The following DMD variants were observed in gnomAD, a reference collection of about 807,000 sequenced individuals.
The protein encoded by DMD is dystrophin, also known as mutant dystrophin.
In DMD, 63 loss-of-function variants were observed where a neutral mutation model predicts 330.1. That is an observed-to-expected ratio of 0.19 (90% CI 0.16 to 0.24). The LOEUF is 0.24. Among genes scored for constraint, DMD ranks in the 10% least tolerant of loss-of-function variants. DMD has a pLI of 1.00. For missense variants in DMD, 3,344 were observed against 2,684.1 expected (o/e 1.25, Z -5.43); for synonymous variants, 1,223 against 959.8 (o/e 1.27, Z -5.07).
chrX:31,580,908 G>A (rs769097384), intron 55 of DMD, among the ~76,000 whole-genome samples: 7 of 111,525 alleles, frequency 6.3e-5, no homozygotes, highest in Non-Finnish European at 1.3e-4. Context: ...TGCCACACAC[G>A]ACTTAATGTA....
At chrX:31,326,740 T>C (rs780894383) in intron 61 of DMD, among the ~76,000 whole-genome samples, 1 of 111,867 alleles carries the variant, frequency 8.9e-6, no homozygotes, top group Non-Finnish European at 1.9e-5. Context: ...TCAGTGCTCC[T>C]TCTCAAGAGA....
At chrX:33,053,303 T>A (rs762073329) in intron 1 of DMD, among the ~76,000 whole-genome samples, 91 of 111,504 alleles carry the variant, frequency 8.2e-4, no homozygotes, top group Non-Finnish European at 1.3e-3. Flanking sequence ...TGTTAAAACA[T>A]AGTTACTGTG....
chrX:32,859,245 C>CT (rs1196780656), intron 2 of DMD, among the ~76,000 whole-genome samples: 1 of 110,494 alleles, frequency 9.1e-6, no homozygotes, highest in African/African-American at 3.3e-5. Flanking sequence ...AGGCAGGTGG[C>CT]TCACTTAAGG....
intron 67 of DMD, among the ~76,000 whole-genome samples, chrX:31,192,679 C>A (rs1433351513): frequency 9.0e-6 from 1 of 111,725 alleles, no homozygotes; most frequent in Non-Finnish European, 1.9e-5. Flanking sequence ...CCTGTTTTAA[C>A]TTTATGTTAC....
chrX:32,486,799 T>C (rs1385821736), intron 20 of DMD, among the ~76,000 whole-genome samples: 1 of 106,249 alleles, frequency 9.4e-6, no homozygotes, highest in Non-Finnish European at 2.0e-5. Flanking sequence ...GCTAGCCATA[T>C]GTAGAAAGCT....
At chrX:33,070,388 T>C (rs2094727297) in intron 1 of DMD, among the ~76,000 whole-genome samples, 2 of 110,139 alleles carry the variant, frequency 1.8e-5, no homozygotes, top group Admixed American at 2.0e-4. Context: ...CAGCTCTTAC[T>C]GCATCAATAG....
At chrX:31,753,178 G>C (rs1433472326) in intron 51 of DMD, among the ~76,000 whole-genome samples, 3 of 111,801 alleles carry the variant, frequency 2.7e-5, no homozygotes, top group Non-Finnish European at 5.6e-5. Flanking sequence ...AGGTGGCGAG[G>C]CAGCCCCTCA....
intron 1 of DMD, among the ~76,000 whole-genome samples, chrX:33,297,863 T>C (rs1457406917): frequency 9.1e-6 from 1 of 110,183 alleles, no homozygotes; most frequent in Non-Finnish European, 1.9e-5. Flanking sequence ...GAACCTTCAG[T>C]TATAGAGATC....
intron 47 of DMD, among the ~76,000 whole-genome samples, chrX:31,889,427 T>A (rs1400533611): frequency 9.1e-6 from 1 of 109,913 alleles, no homozygotes; most frequent in Non-Finnish European, 1.9e-5. Context: ...ATTAGACAAA[T>A]GAAGTGAATA....
intron 55 of DMD, among the ~76,000 whole-genome samples, chrX:31,614,178 G>A (rs747074505): frequency 8.9e-6 from 1 of 112,295 alleles, no homozygotes; most frequent in African/African-American, 3.2e-5. Context: ...AGAATGCCTG[G>A]TCAAGTGGTT....
intron 2 of DMD, among the ~76,000 whole-genome samples, chrX:32,875,480 A>G (rs2083304385): frequency 8.9e-6 from 1 of 112,267 alleles, no homozygotes; most frequent in African/African-American, 3.2e-5. Context: ...TGTTTTGGCT[A>G]TCTCTACCAG....
At chrX:32,320,414 T>C (rs759096315) in intron 41 of DMD, among the ~76,000 whole-genome samples, 6 of 111,918 alleles carry the variant, frequency 5.4e-5, no homozygotes, top group Non-Finnish European at 5.7e-5. Flanking sequence ...TCTAAATTAT[T>C]TAAAAGCAAA....
intron 44 of DMD, among the ~76,000 whole-genome samples, chrX:32,106,830 G>C (rs2096566135): frequency 9.0e-6 from 1 of 111,656 alleles, no homozygotes; most frequent in Admixed American, 9.6e-5. Context: ...TCAACTGGCA[G>C]GTACAATTAC....
intron 44 of DMD, among the ~76,000 whole-genome samples, chrX:32,064,233 T>C (rs762316217): frequency 1.2e-3 from 133 of 111,489 alleles, no homozygotes; most frequent in Non-Finnish European, 2.1e-3. Context: ...AGATAAACAC[T>C]ATGGAGAAAT....
intron 4 of DMD, among the ~76,000 whole-genome samples, chrX:32,830,614 T>C (rs1442815344): frequency 9.0e-6 from 1 of 111,632 alleles, no homozygotes; most frequent in East Asian, 2.8e-4. Context: ...AAAATTGATA[T>C]TCTGTGTGAA....
intron 66 of DMD, 124 bp from the exon 67 acceptor site, chrX:31,204,242 G>C: frequency 3.4e-6 from 2 of 593,425 alleles, no homozygotes; most frequent in South Asian, 5.2e-5. Flanking sequence ...ACAGAGTGGG[G>C]TTACTTCTAA....
chrX:31,742,342 C>T (rs146252097), intron 51 of DMD, among the ~76,000 whole-genome samples: 1,282 of 112,793 alleles, frequency 0.011, 14 homozygotes, highest in African/African-American at 0.034. Context: ...TTTGACATGC[C>T]TTCCTCACCA....
At chrX:32,883,842 A>G (rs1385985201) in intron 2 of DMD, among the ~76,000 whole-genome samples, 16 of 104,736 alleles carry the variant, frequency 1.5e-4, no homozygotes, top group African/African-American at 3.6e-4. Context: ...AAAAAAAAAA[A>G]AAAAAAAAAG....
At chrX:32,996,542 G>C (rs1470838874) in intron 2 of DMD, among the ~76,000 whole-genome samples, 2 of 111,915 alleles carry the variant, frequency 1.8e-5, no homozygotes, top group Non-Finnish European at 3.8e-5. Context: ...AAGCAGGCTT[G>C]ATGGCCGCGG....
Sources: gnomAD v4.1 joint callset for allele counts (sites outside exome capture counted in the v4.1 genomes callset) on GRCh38, gnomAD v4.1.1 for gene constraint, MANE v1.5 for transcripts, NCBI Gene and HGNC (gene_info 2026-07-23, HGNC 2026-07-21) for gene names.